Variants in MED27 observed in about 807,000 individuals in gnomAD.
The protein encoded by MED27 is mediator complex subunit 27.
A neutral mutation model predicts 38.2 loss-of-function variants in MED27; 30 were observed. That is an observed-to-expected ratio of 0.79 (90% CI 0.59 to 1.07). The LOEUF is 1.07. MED27 is among the 50% of genes least tolerant of loss of function. MED27 has a pLI of 0.00. For synonymous variants in MED27, 122 were observed against 153.5 expected (o/e 0.79, Z 1.52); for missense variants, 289 against 397.5 (o/e 0.73, Z 2.32).
At chr9:131,975,816 T>C (rs1831592972) in intron 3 of MED27, among the ~76,000 whole-genome samples, 1 of 152,166 alleles carries the variant, frequency 6.6e-6, no homozygotes, top group African/African-American at 2.4e-5. Flanking sequence ...AAAAAGGATG[T>C]GGGGTTTCAC....
intron 2 of MED27, among the ~76,000 whole-genome samples, chr9:132,066,679 A>T (rs961635204): frequency 6.6e-6 from 1 of 152,198 alleles, no homozygotes; most frequent in Non-Finnish European, 1.5e-5. Context: ...GACTGCGGCA[A>T]AGGAAATGCA....
intron 2 of MED27, among the ~76,000 whole-genome samples, chr9:132,070,090 C>A (rs746279680): frequency 6.6e-6 from 1 of 152,148 alleles, no homozygotes; most frequent in Non-Finnish European, 1.5e-5. Flanking sequence ...GAGGCTGAGG[C>A]AAAGACACGT....
chr9:132,050,390 C>T (rs1833438352), intron 2 of MED27, among the ~76,000 whole-genome samples: 1 of 152,172 alleles, frequency 6.6e-6, no homozygotes, highest in Non-Finnish European at 1.5e-5. Flanking sequence ...GGACGCTTGT[C>T]CACGGGATCA....
chr9:131,860,406 TGGC>T lies in MED27; in HGVS notation c.*129_*131del, dbSNP rs1838631920. The T allele has an allele frequency of 9.2e-7, 1 of 1,085,292 alleles. No homozygotes were observed. The highest frequency in any genetic ancestry group is 3.3e-5 in the Admixed American group (1 of 30,266). The allele number at this position is 1,085,292 out of a possible 1,614,324, so 67.2% of individuals were successfully genotyped here. A position where few individuals can be genotyped will look rare whatever the true frequency, so the allele number is the denominator to read the frequency against. ...TCTTCAAGAGTGGCCTCTGCACACATGGCGCTGCTTTATGAAAGGGAGGAGCAG... is the reference window on the plus strand; with the variant it reads ...TCTTCAAGAGTGGCCTCTGCACACATGCTGCTTTATGAAAGGGAGGAGCAG... On this transcript the variant is annotated 3_prime_UTR_variant, in exon 8 of 8. Coordinates refer to ENST00000292035, the MANE Select transcript of MED27 (RefSeq NM_004269.4). The surrounding 1 kb of genome is among the most constrained non-coding windows in gnomAD (Gnocchi z 5.8).
chr9:131,930,032 C>CAGAGAGAGAGAGAGAG (rs112511169), intron 4 of MED27, among the ~76,000 whole-genome samples: 46 of 151,204 alleles, frequency 3.0e-4, no homozygotes, highest in African/African-American at 1.0e-3. Flanking sequence ...TGGCTTAGCA[C>CAGAGAGAGAGAGAGAG]AGAGAGAGAG....
chr9:131,951,541 C>T (rs28582095), intron 3 of MED27, among the ~76,000 whole-genome samples: 1,767 of 152,332 alleles, frequency 0.012, 34 homozygotes, highest in African/African-American at 0.041. Context: ...CCTAGATGCT[C>T]AAGTTCTCAC....
intron 4 of MED27, among the ~76,000 whole-genome samples, chr9:131,924,004 A>G (rs1414775895): frequency 1.3e-5 from 2 of 152,250 alleles, no homozygotes; most frequent in African/African-American, 4.8e-5. Flanking sequence ...CGAGTGTATC[A>G]TAATGTATTC....
chr9:131,876,267 C>A (rs936136475), intron 6 of MED27, among the ~76,000 whole-genome samples: 7 of 152,198 alleles, frequency 4.6e-5, no homozygotes, highest in Admixed American at 3.9e-4. Flanking sequence ...ATACAGATGA[C>A]AGATGACTAC....
At chr9:131,886,609 T>C (rs1213624583) in intron 5 of MED27, among the ~76,000 whole-genome samples, 4 of 152,220 alleles carry the variant, frequency 2.6e-5, no homozygotes, top group African/African-American at 7.2e-5. Context: ...GTGCTGGAAT[T>C]ATAATGTGAC....
chr9:131,897,147 C>T (rs1829845425), intron 4 of MED27, among the ~76,000 whole-genome samples: 1 of 152,222 alleles, frequency 6.6e-6, no homozygotes. Flanking sequence ...AGAGGATATC[C>T]TATAATTTCT....
intron 4 of MED27, among the ~76,000 whole-genome samples, chr9:131,918,708 T>G (rs183680001): frequency 1.5e-3 from 231 of 152,248 alleles, no homozygotes; most frequent in African/African-American, 5.2e-3. Context: ...CGCGGCCATT[T>G]TCTTCAACAG....
At chr9:132,046,878 G>A (rs1289743248) in intron 2 of MED27, among the ~76,000 whole-genome samples, 1 of 152,142 alleles carries the variant, frequency 6.6e-6, no homozygotes, top group African/African-American at 2.4e-5. Flanking sequence ...CAGCAGAGCA[G>A]GGCAAATAAA....
intron 6 of MED27, among the ~76,000 whole-genome samples, chr9:131,867,883 G>T (rs1838763105): frequency 6.6e-6 from 1 of 152,236 alleles, no homozygotes; most frequent in South Asian, 2.1e-4. Flanking sequence ...ACTCCCAGGG[G>T]TGCCCACACT....
intron 2 of MED27, among the ~76,000 whole-genome samples, chr9:132,069,773 C>T (rs1833893769): frequency 6.6e-6 from 1 of 152,198 alleles, no homozygotes; most frequent in Non-Finnish European, 1.5e-5. Flanking sequence ...CCAGCCCAAC[C>T]CTTCATCCTA....
At chr9:132,079,596 G>A in intron 1 of MED27, 46 bp downstream of exon 1, 16 of 1,590,868 alleles carry the variant, frequency 1.0e-5, no homozygotes, top group Non-Finnish European at 1.4e-5. Context: ...GGGCAGGGTC[G>A]GAGCGGGGCC....
At chr9:132,075,688 T>C (rs552519893) in intron 2 of MED27, among the ~76,000 whole-genome samples, 10 of 152,306 alleles carry the variant, frequency 6.6e-5, no homozygotes, top group Admixed American at 2.0e-4. Flanking sequence ...CACTCACTCA[T>C]GGTTTTGAGA....
chr9:131,970,683 T>C (rs1030766604), intron 3 of MED27, among the ~76,000 whole-genome samples: 2 of 152,076 alleles, frequency 1.3e-5, no homozygotes, highest in African/African-American at 4.8e-5. Context: ...ACATGCGAAA[T>C]GAGAACTGGC....
chr9:131,871,706 C>T (rs1471277907), intron 6 of MED27, among the ~76,000 whole-genome samples: 6 of 152,132 alleles, frequency 3.9e-5, no homozygotes, highest in South Asian at 2.1e-4. Context: ...CACACCCCCA[C>T]GCCTGGCTAG....
intron 3 of MED27, among the ~76,000 whole-genome samples, chr9:132,011,523 G>T (rs1178923889): frequency 6.6e-6 from 1 of 152,290 alleles, no homozygotes; most frequent in East Asian, 1.9e-4. Context: ...GCAATGGGGC[G>T]GGACGCAGTG....
Sources: gnomAD v4.1 joint callset for allele counts (sites outside exome capture counted in the v4.1 genomes callset) on GRCh38, gnomAD v4.1.1 for gene constraint, Gnocchi (gnomAD v3.1) non-coding constraint, MANE v1.5 for transcripts, NCBI Gene and HGNC (gene_info 2026-07-23, HGNC 2026-07-21) for gene names.